Variants in PCDH9 observed in about 807,000 individuals in gnomAD.
PCDH9 encodes the protein protocadherin 9, also known as protocadherin-9.
A neutral mutation model predicts 70.6 loss-of-function variants in PCDH9; 24 were observed. That is an observed-to-expected ratio of 0.34 (90% CI 0.25 to 0.48). PCDH9 has a LOEUF of 0.48. PCDH9 is among the 20% of genes least tolerant of loss of function. PCDH9 has a pLI of 0.99. For synonymous variants in PCDH9, 562 were observed against 558.5 expected (o/e 1.01, Z -0.09); for missense variants, 1,281 against 1,503.6 (o/e 0.85, Z 2.45).
intron 2 of PCDH9, among the ~76,000 whole-genome samples, chr13:66,946,478 T>A (rs1317629613): frequency 6.6e-6 from 1 of 152,094 alleles, no homozygotes; most frequent in African/African-American, 2.4e-5. Flanking sequence ...AAGACCAGCA[T>A]GGGCAACACA....
At chr13:66,878,646 T>C (rs753592273) in intron 3 of PCDH9, among the ~76,000 whole-genome samples, 1 of 152,204 alleles carries the variant, frequency 6.6e-6, no homozygotes, top group Non-Finnish European at 1.5e-5. Flanking sequence ...AACTAAGTTG[T>C]AGCATCTTTG....
intron 4 of PCDH9, among the ~76,000 whole-genome samples, chr13:66,513,030 G>C (rs1470216729): frequency 6.6e-6 from 1 of 151,970 alleles, no homozygotes; most frequent in African/African-American, 2.4e-5. Flanking sequence ...TGTTCCGCAA[G>C]CTGGTCTCAA....
chr13:66,395,088 T>C (rs796414897), intron 4 of PCDH9, among the ~76,000 whole-genome samples: 78 of 152,304 alleles, frequency 5.1e-4, no homozygotes, highest in African/African-American at 1.8e-3. Flanking sequence ...TTGAGAAAGA[T>C]AAACATGACA....
At chr13:66,372,218 TA>T (rs1956667464) in intron 4 of PCDH9, among the ~76,000 whole-genome samples, 1 of 151,800 alleles carries the variant, frequency 6.6e-6, no homozygotes, top group African/African-American at 2.4e-5. Flanking sequence ...GATCTATAAA[TA>T]ACTAAAGTAC....
In PCDH9 at chr13:66,825,570, C is replaced by G. The variant is rs1035355793; in HGVS notation, c.3138+77934G>C. ...CAGGATGGTCTCGATCTCCTGACCT[C>G]GTGATCCGCCCGTCTCGGCCTCCCA... On this transcript the variant is annotated intron_variant, in intron 3 of 4. Transcript: ENST00000377865. Among the ~76,000 whole-genome samples the G allele has an allele frequency of 1.2e-4, 18 of 151,730 alleles. No individual in the cohort carries two copies. The East Asian group carries it at 2.1e-3, about 18-fold the overall frequency.
intron 4 of PCDH9, among the ~76,000 whole-genome samples, chr13:66,531,635 T>TA (rs1321585760): frequency 4.6e-5 from 7 of 152,150 alleles, no homozygotes; most frequent in Non-Finnish European, 4.4e-5. Flanking sequence ...TGCTTTGAAC[T>TA]ACGCTTTAAA....
At chr13:67,197,556 G>T (rs947693563) in intron 2 of PCDH9, among the ~76,000 whole-genome samples, 3 of 151,930 alleles carry the variant, frequency 2.0e-5, no homozygotes, top group Non-Finnish European at 4.4e-5. Flanking sequence ...GCTCCATGAA[G>T]TCTGTGGGAA....
At chr13:66,814,248 C>T (rs1221720872) in intron 3 of PCDH9, among the ~76,000 whole-genome samples, 1 of 152,130 alleles carries the variant, frequency 6.6e-6, no homozygotes, top group Non-Finnish European at 1.5e-5. Flanking sequence ...TCAATGACTA[C>T]TCTCAGAGTA....
chr13:66,928,135 T>G (rs2082745701), intron 2 of PCDH9, among the ~76,000 whole-genome samples: 1 of 152,110 alleles, frequency 6.6e-6, no homozygotes, highest in Non-Finnish European at 1.5e-5. Context: ...CATGGGTTCC[T>G]TCTCAGTTTG....
intron 3 of PCDH9, among the ~76,000 whole-genome samples, chr13:66,783,196 G>A (rs1461818545): frequency 6.6e-6 from 1 of 152,074 alleles, no homozygotes; most frequent in East Asian, 1.9e-4. Context: ...CCAGAGTGCT[G>A]TTCTCCAGAC....
intron 4 of PCDH9, among the ~76,000 whole-genome samples, chr13:66,367,108 C>G (rs80065786): frequency 5.9e-5 from 9 of 151,980 alleles, no homozygotes; most frequent in Non-Finnish European, 1.0e-4. Context: ...TGTACATTTA[C>G]TTTTTTCAAT....
chr13:67,130,078 C>G (rs1330978179), intron 2 of PCDH9, among the ~76,000 whole-genome samples: 2 of 152,048 alleles, frequency 1.3e-5, no homozygotes, highest in African/African-American at 2.4e-5. Context: ...TATGGGAAGG[C>G]AGAGAAGAGT....
intron 2 of PCDH9, among the ~76,000 whole-genome samples, chr13:67,090,043 T>A (rs1000017990): frequency 2.0e-5 from 3 of 151,946 alleles, no homozygotes; most frequent in African/African-American, 4.8e-5. Flanking sequence ...TCATTCAAAA[T>A]CAACCTTAGC....
At chr13:67,176,823 T>C (rs907406695) in intron 2 of PCDH9, among the ~76,000 whole-genome samples, 10 of 152,076 alleles carry the variant, frequency 6.6e-5, no homozygotes, top group African/African-American at 2.4e-4. Flanking sequence ...CCTCTAAAAA[T>C]CTATCCTACT....
chr13:67,000,205 C>A (rs1476679207), intron 2 of PCDH9, among the ~76,000 whole-genome samples: 1 of 151,894 alleles, frequency 6.6e-6, no homozygotes, highest in Non-Finnish European at 1.5e-5. Flanking sequence ...AATTGGAAAT[C>A]ATCATTTTCA....
chr13:67,130,673 C>A (rs1411930368), intron 2 of PCDH9, among the ~76,000 whole-genome samples: 1 of 151,906 alleles, frequency 6.6e-6, no homozygotes, highest in Non-Finnish European at 1.5e-5. Context: ...GCCAGAACTG[C>A]CTCATCATAG....
At chr13:66,415,984 TTA>T (rs1387458591) in intron 4 of PCDH9, among the ~76,000 whole-genome samples, 1 of 152,212 alleles carries the variant, frequency 6.6e-6, no homozygotes, top group African/African-American at 2.4e-5. Context: ...CACAAATTTT[TTA>T]TTGGTTTCCC....
chr13:67,085,680 G>A (rs2086093161), intron 2 of PCDH9, among the ~76,000 whole-genome samples: 1 of 152,168 alleles, frequency 6.6e-6, no homozygotes. Flanking sequence ...AAAATAGCTT[G>A]AGACCTACTT....
chr13:67,218,860 TGTACAG>T (rs1008228650), intron 2 of PCDH9: 4 of 151,266 alleles, frequency 2.6e-5, no homozygotes, highest in African/African-American at 9.7e-5. Context: ...CATTCTTAGC[TGTACAG>T]GTGGTCTCAA....
Sources: allele counts gnomAD v4.1 joint callset (sites outside exome capture counted in the v4.1 genomes callset), GRCh38; gene constraint gnomAD v4.1.1; transcripts MANE v1.5; gene names NCBI Gene and HGNC (gene_info 2026-07-23, HGNC 2026-07-21).